ZNF892: variants seen among roughly 807,000 people sequenced by gnomAD.
ZNF892 encodes the protein zinc finger protein 570-like.
the ZNF892 span, chr2:95,212,243 G>A: frequency 2.5e-6 from 1 of 398,414 alleles, no homozygotes; most frequent in Non-Finnish European, 4.4e-6. Context: ...GCATGAGGAA[G>A]AGCTGGAGAG....
chr2:95,254,404 A>G, the ZNF892 span, among the ~76,000 whole-genome samples: 5 of 152,188 alleles, frequency 3.3e-5, no homozygotes, highest in Non-Finnish European at 7.3e-5. Flanking sequence ...CATATGTTGA[A>G]CCAGGCTTGC....
At chr2:95,228,386 T>C in the ZNF892 span, among the ~76,000 whole-genome samples, 15 of 152,182 alleles carry the variant, frequency 9.9e-5, no homozygotes, top group Non-Finnish European at 1.9e-4. Flanking sequence ...GCTAGGATCA[T>C]GCCACTGCCC....
the ZNF892 span, among the ~76,000 whole-genome samples, chr2:95,221,538 G>A: frequency 6.6e-6 from 1 of 152,164 alleles, no homozygotes; most frequent in Non-Finnish European, 1.5e-5. Flanking sequence ...TTTGTAGTGT[G>A]TGGTATGGTT....
chr2:95,253,794 C>G, the ZNF892 span, among the ~76,000 whole-genome samples: 1 of 152,092 alleles, frequency 6.6e-6, no homozygotes, highest in Non-Finnish European at 1.5e-5. Context: ...TGAAGAGGTC[C>G]TTCACGTCCC....
At chr2:95,236,878 A>T in the ZNF892 span, among the ~76,000 whole-genome samples, 5 of 152,268 alleles carry the variant, frequency 3.3e-5, no homozygotes, top group Non-Finnish European at 4.4e-5. Context: ...ATGACTGATT[A>T]TATGGACACT....
At chr2:95,244,619 TAGAC>T in the ZNF892 span, among the ~76,000 whole-genome samples, 2 of 152,124 alleles carry the variant, frequency 1.3e-5, no homozygotes, top group Non-Finnish European at 2.9e-5. Context: ...CTGACAATAT[TAGAC>T]AGATCATTGA....
At chr2:95,250,532 T>C in the ZNF892 span, among the ~76,000 whole-genome samples, 5 of 147,678 alleles carry the variant, frequency 3.4e-5, no homozygotes, top group African/African-American at 1.2e-4. Flanking sequence ...AAATTACTTA[T>C]AAATTTATAA....
At chr2:95,239,671 A>G in the ZNF892 span, among the ~76,000 whole-genome samples, 5 of 151,980 alleles carry the variant, frequency 3.3e-5, no homozygotes, top group Non-Finnish European at 7.4e-5. Flanking sequence ...TCTGTCACCC[A>G]GGCTGGAGTG....
the ZNF892 span, among the ~76,000 whole-genome samples, chr2:95,207,997 G>A: frequency 6.6e-6 from 1 of 152,332 alleles, no homozygotes; most frequent in East Asian, 1.9e-4. Flanking sequence ...CACTTCCATT[G>A]CCCTCCTGGT....
chr2:95,230,991 T>C, the ZNF892 span, among the ~76,000 whole-genome samples: 2 of 152,220 alleles, frequency 1.3e-5, no homozygotes, highest in Non-Finnish European at 2.9e-5. Context: ...CTCACACTAC[T>C]GGTGGGAAGA....
the ZNF892 span, among the ~76,000 whole-genome samples, chr2:95,232,634 A>G: frequency 6.6e-6 from 1 of 152,160 alleles, no homozygotes; most frequent in Non-Finnish European, 1.5e-5. Flanking sequence ...TTCCACTTAC[A>G]GCCTATCTGC....
the ZNF892 span, among the ~76,000 whole-genome samples, chr2:95,223,399 G>T: frequency 1.3e-4 from 19 of 151,684 alleles, no homozygotes; most frequent in African/African-American, 4.3e-4. Context: ...GGTTTTTTTG[G>T]GGGGGAGGAG....
the ZNF892 span, among the ~76,000 whole-genome samples, chr2:95,242,962 G>T: frequency 1.3e-5 from 2 of 152,174 alleles, no homozygotes; most frequent in Non-Finnish European, 1.5e-5. Flanking sequence ...TGATTCTCCT[G>T]CCTCAGCCTG....
chr2:95,251,484 T>A, the ZNF892 span, among the ~76,000 whole-genome samples: 1 of 152,182 alleles, frequency 6.6e-6, no homozygotes. Context: ...TTGGACTACC[T>A]ATAGAGGCAG....
chr2:95,243,262 C>T, the ZNF892 span, among the ~76,000 whole-genome samples: 12 of 152,112 alleles, frequency 7.9e-5, no homozygotes, highest in South Asian at 2.1e-4. Context: ...AGCCTCTGCC[C>T]GGCCGCCACC....
the ZNF892 span, among the ~76,000 whole-genome samples, chr2:95,246,419 A>C: frequency 6.6e-6 from 1 of 152,242 alleles, no homozygotes; most frequent in Admixed American, 6.5e-5. Flanking sequence ...CTGAATGGGC[A>C]AAAGCTGGAA....
At chr2:95,226,350 A>G in the ZNF892 span, among the ~76,000 whole-genome samples, 1 of 152,230 alleles carries the variant, frequency 6.6e-6, no homozygotes, top group South Asian at 2.1e-4. Context: ...GGTAGCTGAT[A>G]AATTGTCAGT....
the ZNF892 span, among the ~76,000 whole-genome samples, chr2:95,257,581 C>G: frequency 1.3e-5 from 2 of 152,228 alleles, no homozygotes; most frequent in African/African-American, 4.8e-5. Flanking sequence ...GGGAGAACCA[C>G]TGCTCTCTTC....
At chr2:95,221,140 A>G in the ZNF892 span, among the ~76,000 whole-genome samples, 128 of 152,216 alleles carry the variant, frequency 8.4e-4, 3 homozygotes, top group Non-Finnish European at 2.4e-4. Context: ...TGATTGCAAG[A>G]GTTAGGTCGA....
Sources: allele counts gnomAD v4.1 joint callset (sites outside exome capture counted in the v4.1 genomes callset), GRCh38; gene constraint gnomAD v4.1.1; transcripts MANE v1.5; gene names NCBI Gene and HGNC (gene_info 2026-07-23, HGNC 2026-07-21).